The following ACBD5 variants were observed in gnomAD, a reference collection of about 807,000 sequenced individuals.
ACBD5 encodes the protein acyl-CoA-binding domain-containing protein 5.
Under a neutral mutation model 71.8 loss-of-function variants are expected in ACBD5, and 40 were observed. That is an observed-to-expected ratio of 0.56 (90% CI 0.43 to 0.72). The LOEUF is 0.72. Ranked by LOEUF, ACBD5 falls within the 30% of genes least tolerant of loss-of-function variation. ACBD5 has a pLI of 0.00. For missense variants in ACBD5, 559 were observed against 644.5 expected (o/e 0.87, Z 1.44); for synonymous variants, 229 against 218.6 (o/e 1.05, Z -0.42).
upstream of ACBD5, chr10:27,241,966 CAGTT>C (rs1334436006): frequency 3.3e-5 from 14 of 428,934 alleles, no homozygotes; most frequent in African/African-American, 1.4e-4. Flanking sequence ...TCGTTTTTGT[CAGTT>C]AGGGGGATGG....
At chr10:27,239,923 T>A (rs1318794169) in intron 2 of ACBD5, among the ~76,000 whole-genome samples, 1 of 152,138 alleles carries the variant, frequency 6.6e-6, no homozygotes, top group African/African-American at 2.4e-5. Flanking sequence ...ATTTTCGTAT[T>A]TTTTAGTAGA....
intron 4 of ACBD5, among the ~76,000 whole-genome samples, chr10:27,225,127 G>GA (rs1308043661): frequency 7.0e-6 from 1 of 142,670 alleles, no homozygotes; most frequent in Non-Finnish European, 1.5e-5. Flanking sequence ...CACCCAGGCT[G>GA]TAGTGCAGCG....
In ACBD5 at chr10:27,235,143, G is replaced by C; in HGVS notation, c.251C>G (p.Pro84Arg). ...YSFYKQATEG[P>R]CKLSRPGFWD... ...AAATCCAGGCCTTGAAAGTTTACAGGGTCCTTCAGTTGCCTGCTTATAGAA... is the reference window on the plus strand; with the variant it reads ...AAATCCAGGCCTTGAAAGTTTACAGCGTCCTTCAGTTGCCTGCTTATAGAA... Residue 84 changes from proline to arginine, a missense_variant, in exon 3 of 13, where the codon CCC becomes CGC. Pro to Arg is a moderately radical substitution (Grantham distance 103). Coordinates refer to ENST00000396271, the MANE Select transcript of ACBD5 (RefSeq NM_145698.5). The C allele has an allele frequency of 1.2e-6, 2 of 1,613,750 alleles. No homozygotes were observed. The highest frequency in any genetic ancestry group is 1.1e-5 in the South Asian group (1 of 91,062).
intron 2 of ACBD5, 31 bp from the exon 3 acceptor site, chr10:27,235,243 C>G: frequency 6.2e-7 from 1 of 1,612,952 alleles, no homozygotes. Flanking sequence ...ATACAAATCA[C>G]CTGGGGAATA....
At chr10:27,222,484 G>A (rs116067595) in intron 5 of ACBD5, among the ~76,000 whole-genome samples, 384 of 151,140 alleles carry the variant, frequency 2.5e-3, no homozygotes, top group African/African-American at 8.6e-3. Context: ...AAGAAAACAA[G>A]CTAAATGAAT....
chr10:27,191,211 G>A (rs373437555), downstream of ACBD5, among the ~76,000 whole-genome samples: 193 of 152,156 alleles, frequency 1.3e-3, no homozygotes, highest in African/African-American at 4.3e-3. Context: ...CTGACAAGGC[G>A]ACACACCGTA....
chr10:27,196,188 G>C lies in ACBD5; in HGVS notation c.*1242C>G. 2.2e-6 allele frequency: 1 copy of C among 453,504 alleles called. No homozygotes were observed. Among genetic ancestry groups the C allele is most frequent in the Non-Finnish European group, 4.4e-6 (1 of 226,720 alleles). 28.1% of individuals were successfully genotyped at this position (453,504 alleles called of 1,614,324 possible). On this transcript the variant is annotated 3_prime_UTR_variant, in exon 13 of 13. Transcript: ENST00000396271. ...GCCCTCCAGCCTGGGCAACAAGAGA[G>C]AAACTCCATTTAAAAAAAAAAATTA...
At chr10:27,203,533 G>C (rs1194953952) in intron 12 of ACBD5, among the ~76,000 whole-genome samples, 1 of 152,202 alleles carries the variant, frequency 6.6e-6, no homozygotes, top group Non-Finnish European at 1.5e-5. Flanking sequence ...GAGGTCAGGA[G>C]TTTGAGACCA....
In ACBD5 at chr10:27,195,491, T is replaced by C; in HGVS notation, c.*1939A>G. On this transcript the variant is annotated 3_prime_UTR_variant, in exon 13 of 13. Coordinates refer to ENST00000396271, the MANE Select transcript of ACBD5 (RefSeq NM_145698.5). ...TGTAATGATTCACAACTGCTTACACTCTTAATTTGCATTTTATTTATTTAT... is the reference window on the plus strand; with the variant it reads ...TGTAATGATTCACAACTGCTTACACCCTTAATTTGCATTTTATTTATTTAT... The C allele has an allele frequency of 2.2e-6, 1 of 454,088 alleles. No individual in the cohort carries two copies. Among genetic ancestry groups the C allele is most frequent in the Non-Finnish European group, 4.4e-6 (1 of 226,716 alleles). The allele number at this position is 454,088 out of a possible 1,614,324, so 28.1% of individuals were successfully genotyped here. A position where few individuals can be genotyped will look rare whatever the true frequency, so the allele number is the denominator to read the frequency against.
chr10:27,241,053 G>A (rs77673185), upstream of ACBD5, among the ~76,000 whole-genome samples: 3 of 152,328 alleles, frequency 2.0e-5, no homozygotes, highest in African/African-American at 7.2e-5. Flanking sequence ...CGATGTGTCC[G>A]CTCTGGCAGC....
intron 4 of ACBD5, among the ~76,000 whole-genome samples, chr10:27,226,202 C>T (rs909260919): frequency 1.3e-5 from 2 of 151,970 alleles, no homozygotes; most frequent in Admixed American, 1.3e-4. Context: ...AGGTTTGTTA[C>T]AAGGGTATAC....
downstream of ACBD5, among the ~76,000 whole-genome samples, chr10:27,194,478 G>C (rs1311626618): frequency 6.6e-6 from 1 of 151,368 alleles, no homozygotes; most frequent in Non-Finnish European, 1.5e-5. Flanking sequence ...CAGGTGTGGT[G>C]GTGGGTGCCT....
chr10:27,195,503 TTTTA>T lies in ACBD5; in HGVS notation c.*1923_*1926del, dbSNP rs988401902. On this transcript the variant is annotated 3_prime_UTR_variant, in exon 13 of 13. Transcript: ENST00000396271. ...CAACTGCTTACACTCTTAATTTGCA[TTTTA>T]TTTATTTATATACTAAGAGAAAAGA... 23 of 453,782 alleles carry T rather than the reference TTTTA, an allele frequency of 5.1e-5. No individual in the cohort carries two copies. The highest frequency in any genetic ancestry group is 1.2e-4 in the African/African-American group (6 of 50,026). The allele number at this position is 453,782 out of a possible 1,614,324, so 28.1% of individuals were successfully genotyped here. A position where few individuals can be genotyped will look rare whatever the true frequency, so the allele number is the denominator to read the frequency against.
chr10:27,230,488 A>C (rs998425379), intron 4 of ACBD5, among the ~76,000 whole-genome samples: 2 of 152,156 alleles, frequency 1.3e-5, no homozygotes, highest in African/African-American at 4.8e-5. Context: ...TGTCTAACAT[A>C]AAAATGGTTC....
intron 8 of ACBD5, among the ~76,000 whole-genome samples, chr10:27,213,990 A>G (rs1182030262): frequency 6.6e-6 from 1 of 152,220 alleles, no homozygotes; most frequent in Admixed American, 6.5e-5. Context: ...TTCTACCATA[A>G]AAAAGAATGA....
intron 13 of ACBD5, chr10:27,186,399 T>G (rs755274713): frequency 6.2e-7 from 1 of 1,614,188 alleles, no homozygotes; most frequent in Non-Finnish European, 8.5e-7. Flanking sequence ...TCATCCTCTC[T>G]TCAGTGATGT....
chr10:27,218,152 A>C lies in ACBD5; in HGVS notation c.657T>G (p.His219Gln), dbSNP rs1396920736. The C allele has an allele frequency of 6.2e-7, 1 of 1,614,088 alleles. No homozygotes were observed. Among genetic ancestry groups the C allele is most frequent in the East Asian group, 2.2e-5 (1 of 44,866 alleles). ...DKKMMKKSAD[H>Q]KNLEVIVTNG... ...TAGTGACAATGACTTCCAAATTCTT[A>C]TGGTCTGCTGACTTCTTCATCATTT... is the stretch of plus-strand genomic sequence containing the variant. The change falls in exon 7 of 13, where the codon CAT becomes CAG. Residue 219 changes from histidine to glutamine, a missense_variant. Physicochemically the swap from His to Gln is conservative, Grantham distance 24 (BLOSUM62 0). Transcript: ENST00000396271.
chr10:27,226,489 A>AC (rs2063043793), intron 4 of ACBD5, among the ~76,000 whole-genome samples: 1 of 125,056 alleles, frequency 8.0e-6, no homozygotes, highest in African/African-American at 3.1e-5. Flanking sequence ...CACACACACA[A>AC]GCAGACACAG....
intron 12 of ACBD5, among the ~76,000 whole-genome samples, chr10:27,200,430 C>A (rs972877749): frequency 6.6e-6 from 1 of 151,960 alleles, no homozygotes; most frequent in Non-Finnish European, 1.5e-5. Flanking sequence ...TTATTCTATC[C>A]CTCTACTTTC....
Sources: allele counts gnomAD v4.1 joint callset (sites outside exome capture counted in the v4.1 genomes callset), GRCh38; gene constraint gnomAD v4.1.1; transcripts MANE v1.5; gene names NCBI Gene and HGNC (gene_info 2026-07-23, HGNC 2026-07-21).